The following SLC12A8 variants were observed in gnomAD, a reference collection of about 807,000 sequenced individuals.
SLC12A8 encodes solute carrier family 12 member 8.
SLC12A8 carries 69 observed loss-of-function variants against 75.6 expected under a neutral mutation model. That is an observed-to-expected ratio of 0.91 (90% CI 0.75 to 1.11). SLC12A8 has a LOEUF of 1.11. Among genes scored for constraint, SLC12A8 ranks in the 50% most tolerant of loss-of-function variants. The pLI, the probability that SLC12A8 is intolerant of heterozygous loss-of-function variation, is 0.00. For synonymous variants in SLC12A8, 365 were observed against 372.8 expected, an observed-to-expected ratio of 0.98 and a Z score of 0.24; for missense variants, 877 against 896.7, an observed-to-expected ratio of 0.98 and a Z score of 0.28.
At chr3:125,211,533 G>C in intron 1 of SLC12A8, 139 bp from the exon 2 acceptor site, 1 of 636,868 alleles carries the variant, frequency 1.6e-6, no homozygotes, top group Non-Finnish European at 2.8e-6. Flanking sequence ...ACCTCATCTG[G>C]AAACTTGGCC....
intron 7 of SLC12A8, 142 bp from the exon 8 acceptor site, chr3:125,118,998 C>G: frequency 1.8e-6 from 1 of 570,234 alleles, no homozygotes. Flanking sequence ...CCCCAGCTGG[C>G]TTGGGAGGAC....
rs577088256 is a variant in SLC12A8, at chr3:125,203,552, C to G, written c.51+7747G>C. 2.0e-5 allele frequency among the ~76,000 whole-genome samples: 3 copies of G among 152,288 alleles called. No individual in the cohort carries two copies. In the East Asian group the frequency reaches 5.8e-4, roughly 29 times the overall value. On this transcript the variant is annotated intron_variant, in intron 2 of 13. Coordinates refer to ENST00000469902, the MANE Select transcript of SLC12A8 (RefSeq NM_024628.6). ...TATATCCACATGCAGAAGAATGAAA[C>G]TAGACCCCCATCTCTCAACCTATAC...
At chr3:125,183,694 G>A (rs1475394454) in intron 4 of SLC12A8, among the ~76,000 whole-genome samples, 2 of 152,186 alleles carry the variant, frequency 1.3e-5, no homozygotes, top group South Asian at 2.1e-4. Context: ...CACAAAGCAT[G>A]TGAGCCACTA....
chr3:125,174,995 TACC>T (rs1307098505), intron 5 of SLC12A8, among the ~76,000 whole-genome samples: 10 of 152,218 alleles, frequency 6.6e-5, no homozygotes, highest in Non-Finnish European at 1.2e-4. Flanking sequence ...CCAGTAAATG[TACC>T]ACATTAACAC....
chr3:125,106,908 T>C (rs1250379762), intron 10 of SLC12A8, among the ~76,000 whole-genome samples: 5 of 152,230 alleles, frequency 3.3e-5, no homozygotes, highest in Non-Finnish European at 7.3e-5. Context: ...AAGTAATAGA[T>C]GTAAAGCACC....
intron 5 of SLC12A8, among the ~76,000 whole-genome samples, chr3:125,155,847 CAAA>C (rs34477615): frequency 2.0e-5 from 2 of 102,078 alleles, no homozygotes; most frequent in Non-Finnish European, 2.0e-5. Flanking sequence ...TTACTCTTGC[CAAA>C]AAAAAAAAAA....
At chr3:125,131,544 C>T (rs1407477310) in intron 6 of SLC12A8, among the ~76,000 whole-genome samples, 1 of 152,068 alleles carries the variant, frequency 6.6e-6, no homozygotes, top group African/African-American at 2.4e-5. Context: ...TGCCCTACCA[C>T]ACCTGGCTAA....
At chr3:125,091,783 T>C (rs143114683) in intron 11 of SLC12A8, among the ~76,000 whole-genome samples, 1 of 152,352 alleles carries the variant, frequency 6.6e-6, no homozygotes, top group Non-Finnish European at 1.5e-5. Flanking sequence ...CAACTAGATA[T>C]TCTATCTTAT....
At chr3:125,208,678 C>T (rs149076777) in intron 2 of SLC12A8, among the ~76,000 whole-genome samples, 118 of 151,368 alleles carry the variant, frequency 7.8e-4, no homozygotes, top group African/African-American at 2.7e-3. Context: ...CATGCACCCT[C>T]GACCACCACA....
intron 2 of SLC12A8, among the ~76,000 whole-genome samples, chr3:125,209,724 C>T (rs560489838): frequency 1.3e-5 from 2 of 152,352 alleles, no homozygotes; most frequent in East Asian, 1.9e-4. Flanking sequence ...ACACAGGATG[C>T]TGTGGAACAG....
chr3:125,156,802 C>A (rs1299180507), intron 5 of SLC12A8, among the ~76,000 whole-genome samples: 1 of 152,240 alleles, frequency 6.6e-6, no homozygotes, highest in Admixed American at 6.5e-5. Flanking sequence ...AGTCCCTCCC[C>A]ATTTGTGCCT....
chr3:125,120,562 TCTCTAG>T (rs1456004343), intron 7 of SLC12A8, 31 bp downstream of exon 7: 1 of 1,505,266 alleles, frequency 6.6e-7, no homozygotes, highest in Non-Finnish European at 9.2e-7. Flanking sequence ...TCTCTCCCAC[TCTCTAG>T]CTCAGACTGA....
intron 8 of SLC12A8, 132 bp downstream of exon 8, chr3:125,118,637 A>G: frequency 1.6e-6 from 1 of 613,900 alleles, no homozygotes; most frequent in African/African-American, 1.9e-5. Context: ...TCAAAAAATA[A>G]ATTAATTAAA....
At position 125,192,876 on chromosome 3, in the gene SLC12A8, A is replaced by G. The variant is rs988196933; in HGVS notation, c.52-2355T>C. Among the ~76,000 whole-genome samples the G allele has an allele frequency of 7.9e-5, 12 of 152,090 alleles. 1 individual carries two copies. The highest frequency in any genetic ancestry group is 7.2e-4 in the Admixed American group (11 of 15,270). ...AAGAGCGTAGGTTTGACTCCAAGGGAGTAACCCTGATGTTCTTGGAGAAAG... is the reference window on the plus strand; with the variant it reads ...AAGAGCGTAGGTTTGACTCCAAGGGGGTAACCCTGATGTTCTTGGAGAAAG... On this transcript the variant is annotated intron_variant, in intron 2 of 13. Coordinates refer to ENST00000469902, the MANE Select transcript of SLC12A8 (RefSeq NM_024628.6).
At chr3:125,130,521 G>T (rs1202195823) in intron 6 of SLC12A8, among the ~76,000 whole-genome samples, 1 of 152,012 alleles carries the variant, frequency 6.6e-6, no homozygotes, top group Non-Finnish European at 1.5e-5. Context: ...CAACCAGAGA[G>T]GCAGAGGTTG....
chr3:125,087,087 A>G (rs796320100), intron 13 of SLC12A8, among the ~76,000 whole-genome samples: 1 of 144,058 alleles, frequency 6.9e-6, no homozygotes, highest in African/African-American at 2.6e-5. Context: ...CGTTACATGT[A>G]TTTCACTTTT....
chr3:125,170,773 A>G (rs1188386362), intron 5 of SLC12A8, among the ~76,000 whole-genome samples: 1 of 152,112 alleles, frequency 6.6e-6, no homozygotes, highest in Non-Finnish European at 1.5e-5. Context: ...AAATTAGCCG[A>G]GCATGGTGGC....
intron 13 of SLC12A8, 33 bp from the exon 14 acceptor site, chr3:125,084,085 A>T: frequency 1.3e-6 from 2 of 1,586,782 alleles, no homozygotes; most frequent in South Asian, 2.3e-5. Context: ...GATGGTGAGA[A>T]GGACAGAACA....
At position 125,175,740 on chromosome 3, in the gene SLC12A8, G is replaced by A. The variant is rs541539282; in HGVS notation, c.622+2003C>T. On this transcript the variant is annotated intron_variant, in intron 5 of 13. Coordinates refer to ENST00000469902, the MANE Select transcript of SLC12A8 (RefSeq NM_024628.6). ...CTCCATATGCGGGCCATCTCTGCAG[G>A]GTGGTACATGGCCAGGAAAAAAAAA... 2.2e-5 allele frequency among the ~76,000 whole-genome samples: 3 copies of A among 136,754 alleles called. No homozygotes were observed. In the East Asian group the frequency reaches 6.5e-4, roughly 30 times the overall value. 89.7% of individuals were successfully genotyped at this position (136,754 alleles called of 152,430 possible). A position where few individuals can be genotyped will look rare whatever the true frequency, so the allele number is the denominator to read the frequency against.
Sources: allele counts gnomAD v4.1 joint callset (sites outside exome capture counted in the v4.1 genomes callset), GRCh38; gene constraint gnomAD v4.1.1; transcripts MANE v1.5; gene names NCBI Gene and HGNC (gene_info 2026-07-23, HGNC 2026-07-21).